Variants in NTRK1 observed in about 807,000 individuals in gnomAD.
NTRK1 encodes the protein high affinity nerve growth factor receptor.
Under a neutral mutation model 86.8 loss-of-function variants are expected in NTRK1, and 62 were observed. That is an observed-to-expected ratio of 0.71 (90% CI 0.58 to 0.88). NTRK1 has a LOEUF of 0.88. Among genes scored for constraint, NTRK1 ranks in the 40% least tolerant of loss-of-function variants. The probability of loss-of-function intolerance (pLI) is 0.00; values close to 1 mark genes in which losing one functional copy is unlikely to be tolerated. For missense variants in NTRK1, 967 were observed against 1,078.4 expected (o/e 0.90, Z 1.45); for synonymous variants, 469 against 456.6 (o/e 1.03, Z -0.35).
rs558447006 is a variant in NTRK1, at chr1:156,854,919, G to A, written c.51-9435G>A. Among the ~76,000 whole-genome samples, 2 of 152,158 alleles carry A rather than the reference G, an allele frequency of 1.3e-5. No homozygotes were observed. Among genetic ancestry groups the A allele is most frequent in the African/African-American group, 4.8e-5 (2 of 41,496 alleles). ...CTCTTGATCTTACTACAGCCTACAGGGCCCTGCACAGTTTGAGCCCTTGTA... is the reference window on the plus strand; with the variant it reads ...CTCTTGATCTTACTACAGCCTACAGAGCCCTGCACAGTTTGAGCCCTTGTA... On this transcript the variant is annotated intron_variant, in intron 2 of 16. Transcript: ENST00000392302. This position sits in a 1 kb window ranked among gnomAD's most constrained non-coding sequence, Gnocchi z 4.2.
At chr1:156,869,255 T>G (rs1408260112) in intron 6 of NTRK1, among the ~76,000 whole-genome samples, 3 of 152,088 alleles carry the variant, frequency 2.0e-5, no homozygotes, top group African/African-American at 7.2e-5. Context: ...AATTTTTGTA[T>G]TTTTAGTAGA....
chr1:156,880,469 A>C (rs1648192168), intron 16 of NTRK1: 1 of 411,638 alleles, frequency 2.4e-6, no homozygotes, highest in Non-Finnish European at 4.5e-6. Context: ...GAATTATCAG[A>C]GTGGAAGGGA....
intron 4 of NTRK1, among the ~76,000 whole-genome samples, chr1:156,867,676 T>C (rs528881247): frequency 3.3e-5 from 5 of 151,344 alleles, no homozygotes; most frequent in African/African-American, 9.7e-5. Context: ...CTTTTCTTTT[T>C]TTTTTTTTAT....
intron 1 of NTRK1, among the ~76,000 whole-genome samples, chr1:156,839,619 T>C (rs77900369): frequency 0.023 from 3,578 of 152,300 alleles, 69 homozygotes; most frequent in Middle Eastern, 0.044. Flanking sequence ...GTGTGTTCCC[T>C]GGCTTGGGTG....
intron 7 of NTRK1, among the ~76,000 whole-genome samples, chr1:156,872,434 T>A (rs1323554314): frequency 3.3e-5 from 5 of 152,168 alleles, no homozygotes; most frequent in Admixed American, 6.5e-5. Context: ...CCTGTTCTTG[T>A]ACATTATATA....
At chr1:156,815,778 G>C in exon 1 of NTRK1, 1 of 1,612,200 alleles carries the variant, frequency 6.2e-7, no homozygotes, top group Non-Finnish European at 8.5e-7. Context: ...GACTCAGCCT[G>C]AGCTTCCAGA....
At chr1:156,824,517 T>G (rs1372482492) in intron 1 of NTRK1, among the ~76,000 whole-genome samples, 4 of 152,198 alleles carry the variant, frequency 2.6e-5, no homozygotes, top group Non-Finnish European at 5.9e-5. Context: ...AATGTATCCC[T>G]CCCATCACCT....
chr1:156,843,546 A>G, intron 2 of NTRK1: 1 of 1,482,364 alleles, frequency 6.7e-7, no homozygotes, highest in Non-Finnish European at 9.4e-7. Flanking sequence ...CATCAGAAGA[A>G]GGAAGAAGGA....
chr1:156,839,471 T>G (rs989318100), intron 1 of NTRK1, among the ~76,000 whole-genome samples: 1 of 152,264 alleles, frequency 6.6e-6, no homozygotes, highest in African/African-American at 2.4e-5. Flanking sequence ...CTCATGGCAC[T>G]GGCAGAAAAG....
At chr1:156,874,325 C>T (rs1647760606) in intron 8 of NTRK1, 58 bp from the exon 9 acceptor site, 3 of 1,610,858 alleles carry the variant, frequency 1.9e-6, no homozygotes. Context: ...CTTTCCTCCT[C>T]CCTCTGACTG....
Position 156,816,028 on chromosome 1 carries a change from C to A in NTRK1, c.-64+190C>A, listed in dbSNP as rs369490353. 1.0e-4 allele frequency: 163 copies of A among 1,613,966 alleles called. 3 individuals are homozygous for A. The South Asian group carries it at 1.7e-3, about 17-fold the overall frequency. Reference sequence around the variant, plus strand: ...CACCGCAGTGTAGCCCAGGTTCTGGCAGCTCCTGCGGGTCATGTCTGTGAT... The same window carrying A: ...CACCGCAGTGTAGCCCAGGTTCTGGAAGCTCCTGCGGGTCATGTCTGTGAT... On this transcript the variant is annotated intron_variant, in intron 1 of 16. Coordinates refer to the NTRK1 transcript ENST00000392302.
At chr1:156,849,513 G>GGGGGGGGGGGGGGGGGGGGGGGGGGC in intron 2 of NTRK1, 1 of 486,118 alleles carries the variant, frequency 2.1e-6, no homozygotes, top group Non-Finnish European at 4.1e-6. Flanking sequence ...CAGGGGGTGG[G>GGGGGGGGGGGGGGGGGGGGGGGGGGC]AAAGGGGATG....
chr1:156,876,705 T>C (rs1647945571), intron 14 of NTRK1, 133 bp downstream of exon 14: 1 of 1,113,188 alleles, frequency 9.0e-7, no homozygotes. Flanking sequence ...CACATTCCCG[T>C]CCCCAGGGAG....
intron 2 of NTRK1, chr1:156,845,297 C>T (rs1654952707): frequency 6.2e-7 from 1 of 1,612,722 alleles, no homozygotes; most frequent in African/African-American, 1.3e-5. Context: ...CCCTGAGTCC[C>T]TGGGGAGAGC....
chr1:156,840,559 G>T (rs1044957515), intron 1 of NTRK1: 3 of 401,244 alleles, frequency 7.5e-6, no homozygotes, highest in Non-Finnish European at 1.4e-5. Context: ...GGCCTCTAGG[G>T]TGGGCGGGCC....
chr1:156,841,635 C>T, intron 1 of NTRK1: 3 of 1,611,912 alleles, frequency 1.9e-6, no homozygotes, highest in Non-Finnish European at 2.5e-6. Context: ...CTCCACATCC[C>T]TGGAGCCCTG....
At chr1:156,853,983 G>T in intron 2 of NTRK1, 1 of 1,613,396 alleles carries the variant, frequency 6.2e-7, no homozygotes, top group Non-Finnish European at 8.5e-7. Context: ...ACAGCCCCAC[G>T]CAGCACGGCC....
chr1:156,836,865 C>G (rs140465850), intron 1 of NTRK1, among the ~76,000 whole-genome samples: 73 of 152,142 alleles, frequency 4.8e-4, no homozygotes, highest in African/African-American at 1.7e-3. Flanking sequence ...TAAGCTGGAG[C>G]TGGACAAGCT....
In NTRK1 at chr1:156,876,464, T is replaced by A. The variant is rs55892037; in HGVS notation, c.1697T>A (p.Met566Lys). The part of the protein sequence containing the change: ...DFQREAELLT[M>K]LQHQHIVRFF... ...CAGCGTGAGGCTGAGCTGCTCACCA[T>A]GCTGCAGCACCAGCACATCGTGCGC... The change falls in exon 14 of 17, where the codon ATG becomes AAG. Residue 566 changes from methionine to lysine, a missense_variant. Met to Lys is a moderately conservative substitution (Grantham distance 95). Transcript: ENST00000524377. 6 of 1,613,872 alleles carry A rather than the reference T, an allele frequency of 3.7e-6. No homozygotes were observed. In the East Asian group the frequency reaches 1.3e-4, roughly 36 times the overall value.
Sources: allele counts gnomAD v4.1 joint callset (sites outside exome capture counted in the v4.1 genomes callset), GRCh38; gene constraint gnomAD v4.1.1; non-coding constraint Gnocchi (gnomAD v3.1); transcripts MANE v1.5; gene names NCBI Gene and HGNC (gene_info 2026-07-23, HGNC 2026-07-21).